Variants in SERGEF observed in about 807,000 individuals in gnomAD.
SERGEF encodes secretion-regulating guanine nucleotide exchange factor.
SERGEF carries 51 observed loss-of-function variants against 50.0 expected under a neutral mutation model. The observed-to-expected ratio is 1.02, with a 90% CI of 0.81 to 1.29. The LOEUF (loss-of-function observed/expected upper bound fraction) is 1.29. Among genes scored for constraint, SERGEF ranks in the 50% most tolerant of loss-of-function variants. The pLI, the probability that SERGEF is intolerant of heterozygous loss-of-function variation, is 0.00. For missense variants in SERGEF, 521 were observed against 557.0 expected, an observed-to-expected ratio of 0.94 and a Z score of 0.65; for synonymous variants, 205 against 212.4, an observed-to-expected ratio of 0.97 and a Z score of 0.30.
chr11:18,007,496 C>A (rs556009365), intron 2 of SERGEF, among the ~76,000 whole-genome samples: 1 of 152,180 alleles, frequency 6.6e-6, no homozygotes, highest in Non-Finnish European at 1.5e-5. Context: ...AATATGCCCC[C>A]CTTTACAACA....
chr11:17,931,783 T>C (rs1852356919), intron 9 of SERGEF, among the ~76,000 whole-genome samples: 1 of 152,166 alleles, frequency 6.6e-6, no homozygotes, highest in South Asian at 2.1e-4. Flanking sequence ...CAACACCACC[T>C]GGGAACTTGT....
intron 10 of SERGEF, among the ~76,000 whole-genome samples, chr11:17,798,801 G>A (rs528973649): frequency 3.2e-4 from 49 of 152,312 alleles, no homozygotes; most frequent in Non-Finnish European, 4.7e-4. Flanking sequence ...GGCGTTATGG[G>A]CTTTTGTATC....
intron 8 of SERGEF, among the ~76,000 whole-genome samples, chr11:17,962,718 C>A (rs1454501507): frequency 6.6e-6 from 1 of 152,030 alleles, no homozygotes; most frequent in Non-Finnish European, 1.5e-5. Context: ...ACGACAGAGG[C>A]CAAATGAGAA....
chr11:17,887,409 T>A (rs1162679126), intron 9 of SERGEF, among the ~76,000 whole-genome samples: 1 of 152,186 alleles, frequency 6.6e-6, no homozygotes, highest in Non-Finnish European at 1.5e-5. Context: ...GTACTTGTAC[T>A]GAGAACAAAA....
At chr11:17,976,381 G>A (rs1373691708) in intron 8 of SERGEF, among the ~76,000 whole-genome samples, 1 of 151,936 alleles carries the variant, frequency 6.6e-6, no homozygotes, top group Non-Finnish European at 1.5e-5. Context: ...TGCCTCCAGG[G>A]TTCAAGTGAT....
chr11:17,975,068 T>C (rs1853340864), intron 8 of SERGEF, among the ~76,000 whole-genome samples: 1 of 152,246 alleles, frequency 6.6e-6, no homozygotes, highest in Non-Finnish European at 1.5e-5. Flanking sequence ...TCCCTGCCTA[T>C]GCACACAGTA....
rs111652311 is a variant in SERGEF at position 18,012,963 on chromosome 11, C to T, written c.48G>A (p.Ala16=). The change falls in exon 1 of 11, where the codon GCG becomes GCA. Residue 16 remains alanine, a synonymous_variant. Transcript: ENST00000265965. ...SASEAAPAAA[A]LFAWGANSYG... ...CGGAGTCACGTACCCAGGCGAAGAG[C>T]GCGGCCGCCGCGGGGGCGGCCTCCG... The T allele has an allele frequency of 2.7e-6, 4 of 1,478,064 alleles. No homozygotes were observed. Among genetic ancestry groups the T allele is most frequent in the Non-Finnish European group, 2.7e-6 (3 of 1,124,000 alleles). 91.6% of individuals were successfully genotyped at this position (1,478,064 alleles called of 1,614,324 possible). A position where few individuals can be genotyped will look rare whatever the true frequency, so the allele number is the denominator to read the frequency against.
In SERGEF at chr11:17,983,534, A is replaced by G. The variant is rs139249236; in HGVS notation, c.844+5063T>C. 7.4e-4 allele frequency among the ~76,000 whole-genome samples: 112 copies of G among 152,318 alleles called. 1 individual carries two copies. Among genetic ancestry groups the G allele is most frequent in the Admixed American group, 6.7e-3 (103 of 15,296 alleles). ...TAATACATCATCTCTTTTAATCCTC[A>G]TATCAGGTCAGCAGTTATTTCCCCA... On this transcript the variant is annotated intron_variant, in intron 8 of 10. Coordinates refer to ENST00000265965, the MANE Select transcript of SERGEF (RefSeq NM_012139.4).
chr11:18,002,217 C>G (rs1853977812), intron 4 of SERGEF, among the ~76,000 whole-genome samples: 1 of 152,220 alleles, frequency 6.6e-6, no homozygotes, highest in Non-Finnish European at 1.5e-5. Context: ...ACACCACTCA[C>G]CTCCACCTCT....
At position 17,983,043 on chromosome 11, in the gene SERGEF, T is replaced by C. The variant is rs145990219; in HGVS notation, c.844+5554A>G. ...ATTCTCTAAAACTTCTAAGACTCTTTGGCTCTTTAAGGTAACACTGAAGAA... is the reference window on the plus strand; with the variant it reads ...ATTCTCTAAAACTTCTAAGACTCTTCGGCTCTTTAAGGTAACACTGAAGAA... On this transcript the variant is annotated intron_variant, in intron 8 of 10. Coordinates refer to ENST00000265965, the MANE Select transcript of SERGEF (RefSeq NM_012139.4). Among the ~76,000 whole-genome samples the C allele has an allele frequency of 2.0e-4, 30 of 152,346 alleles. 1 individual carries two copies. The East Asian group carries it at 5.8e-3, about 29-fold the overall frequency.
chr11:17,922,329 T>C (rs2283240), intron 9 of SERGEF, among the ~76,000 whole-genome samples: 76,299 of 151,896 alleles, frequency 0.5, 20,096 homozygotes, highest in East Asian at 0.73. Context: ...CCTATATTGT[T>C]TTAGGATTAT....
chr11:17,886,144 A>T (rs1851424324), intron 9 of SERGEF, among the ~76,000 whole-genome samples: 1 of 152,030 alleles, frequency 6.6e-6, no homozygotes, highest in African/African-American at 2.4e-5. Context: ...CATCTGTAAA[A>T]CGGAATTCAA....
Position 17,817,292 on chromosome 11 carries a change from G to A in SERGEF, c.1049-28879C>T, listed in dbSNP as rs191534392. On this transcript the variant is annotated intron_variant, in intron 10 of 10. Coordinates refer to ENST00000265965, the MANE Select transcript of SERGEF (RefSeq NM_012139.4). Reference sequence around the variant, plus strand: ...TGCAGTGGCGCGATCTTGGCTCACTGCAAGTTCCGCCTCCCGGGTTCATGC... The same window carrying A: ...TGCAGTGGCGCGATCTTGGCTCACTACAAGTTCCGCCTCCCGGGTTCATGC... 8.7e-4 allele frequency among the ~76,000 whole-genome samples: 130 copies of A among 150,232 alleles called. 1 individual carries two copies. The East Asian group carries it at 0.025, about 28-fold the overall frequency.
intron 9 of SERGEF, among the ~76,000 whole-genome samples, chr11:17,957,665 C>T (rs566002625): frequency 4.9e-4 from 75 of 151,880 alleles, no homozygotes; most frequent in African/African-American, 1.8e-3. Flanking sequence ...TGCTCCGGAC[C>T]TTTGCCCTTG....
At chr11:18,011,137 T>TACACACACACACACAC (rs57370560) in intron 1 of SERGEF, among the ~76,000 whole-genome samples, 1 of 147,734 alleles carries the variant, frequency 6.8e-6, no homozygotes, top group African/African-American at 2.5e-5. Context: ...CATGCACACA[T>TACACACACACACACAC]ACACACACAC....
chr11:17,929,724 T>C (rs1028106402), intron 9 of SERGEF, among the ~76,000 whole-genome samples: 1 of 152,198 alleles, frequency 6.6e-6, no homozygotes. Flanking sequence ...TCAGGTCTTT[T>C]GCAAGGTTGT....
chr11:17,998,715 AT>A (rs1853898465), intron 5 of SERGEF, among the ~76,000 whole-genome samples: 1 of 151,528 alleles, frequency 6.6e-6, no homozygotes, highest in African/African-American at 2.4e-5. Context: ...TCTTAATCTA[AT>A]AGGACTGGTG....
At chr11:17,799,863 A>G (rs957866428) in intron 10 of SERGEF, among the ~76,000 whole-genome samples, 1 of 152,190 alleles carries the variant, frequency 6.6e-6, no homozygotes, top group African/African-American at 2.4e-5. Flanking sequence ...TTCATTTTGT[A>G]CACATCAACT....
At chr11:17,988,415 AC>A (rs1240876271) in intron 8 of SERGEF, among the ~76,000 whole-genome samples, 181 bp downstream of exon 8, 1 of 152,118 alleles carries the variant, frequency 6.6e-6, no homozygotes, top group East Asian at 1.9e-4. Flanking sequence ...TTGGGTACAA[AC>A]CTGTGACTCT....
Sources: gnomAD v4.1 joint callset for allele counts (sites outside exome capture counted in the v4.1 genomes callset) on GRCh38, gnomAD v4.1.1 for gene constraint, MANE v1.5 for transcripts, NCBI Gene and HGNC (gene_info 2026-07-23, HGNC 2026-07-21) for gene names.